The following EPHA6 variants were observed in gnomAD, a reference collection of about 807,000 sequenced individuals.
The protein encoded by EPHA6 is ephrin type-A receptor 6.
Under a neutral mutation model 112.0 loss-of-function variants are expected in EPHA6, and 50 were observed. That is an observed-to-expected ratio of 0.45 (90% CI 0.36 to 0.56). The LOEUF is 0.56. Ranked by LOEUF, EPHA6 falls within the 20% of genes least tolerant of loss-of-function variation. The pLI is 0.00. For synonymous variants in EPHA6, 529 were observed against 490.7 expected (o/e 1.08, Z -1.03); for missense variants, 1,280 against 1,417.4 (o/e 0.90, Z 1.56).
intron 5 of EPHA6, among the ~76,000 whole-genome samples, chr3:97,274,128 G>C (rs1029257009): frequency 6.6e-6 from 1 of 152,186 alleles, no homozygotes; most frequent in Admixed American, 6.5e-5. Flanking sequence ...ACATGGAAGA[G>C]GTTATGAAAT....
chr3:97,658,316 C>T (rs2094148630), intron 14 of EPHA6, among the ~76,000 whole-genome samples: 1 of 151,730 alleles, frequency 6.6e-6, no homozygotes, highest in African/African-American at 2.4e-5. Flanking sequence ...GTATCCATGA[C>T]AATTATTTGT....
intron 13 of EPHA6, among the ~76,000 whole-genome samples, chr3:97,611,691 C>CTA (rs1273876534): frequency 6.6e-5 from 10 of 151,514 alleles, no homozygotes; most frequent in East Asian, 1.9e-4. Context: ...GTCTATCTAT[C>CTA]TATATATATA....
At chr3:97,184,192 A>C (rs1454151136) in intron 3 of EPHA6, among the ~76,000 whole-genome samples, 1 of 152,112 alleles carries the variant, frequency 6.6e-6, no homozygotes, top group Admixed American at 6.6e-5. Flanking sequence ...ATTTTAAAGC[A>C]ATGACAACTA....
intron 14 of EPHA6, among the ~76,000 whole-genome samples, chr3:97,641,428 G>T (rs371510514): frequency 1.9e-4 from 29 of 152,292 alleles, no homozygotes; most frequent in African/African-American, 6.7e-4. Context: ...TGAAAAGGGT[G>T]GGGGAGGAGC....
chr3:97,496,318 G>A (rs2091977158), intron 10 of EPHA6, among the ~76,000 whole-genome samples: 1 of 152,090 alleles, frequency 6.6e-6, no homozygotes, highest in Non-Finnish European at 1.5e-5. Flanking sequence ...TAGTAGGCAA[G>A]AATTATTAAA....
chr3:97,481,621 T>C, intron 9 of EPHA6: 1 of 457,510 alleles, frequency 2.2e-6, no homozygotes. Context: ...TGTTGCGCCC[T>C]CCCTAGGCCC....
In EPHA6 at chr3:96,987,311, C is replaced by G. The variant is rs2043058791; in HGVS notation, c.451-19C>G. On this transcript the variant is annotated intron_variant, in intron 2 of 17. Transcript: ENST00000389672. Reference sequence around the variant, plus strand: ...ACTGTGGTTTAAAATCACTTAATTACTTTTTTCCCTTTTTGCAGTGGGATG... The same window carrying G: ...ACTGTGGTTTAAAATCACTTAATTAGTTTTTTCCCTTTTTGCAGTGGGATG... 6.4e-7 allele frequency: 1 copy of G among 1,565,394 alleles called. No individual in the cohort carries two copies. The highest frequency in any genetic ancestry group is 1.4e-5 in the African/African-American group (1 of 73,294).
rs116575321 is a variant in EPHA6 at position 97,111,767 on chromosome 3, T to C, written c.1115-114497T>C. 4.9e-3 allele frequency among the ~76,000 whole-genome samples: 745 copies of C among 152,232 alleles called. 6 individuals carry two copies. The highest frequency in any genetic ancestry group is 0.016 in the African/African-American group (659 of 41,554). On this transcript the variant is annotated intron_variant, in intron 3 of 17. Coordinates refer to ENST00000389672, the MANE Select transcript of EPHA6 (RefSeq NM_001080448.3). ...CTTTGTGATATTTACATAAATTTATTCCTGAAGGACATTGTTCAATACTCT... is the reference window on the plus strand; with the variant it reads ...CTTTGTGATATTTACATAAATTTATCCCTGAAGGACATTGTTCAATACTCT...
chr3:96,952,959 C>T (rs767021794), intron 2 of EPHA6, among the ~76,000 whole-genome samples: 9 of 151,974 alleles, frequency 5.9e-5, no homozygotes, highest in Non-Finnish European at 1.2e-4. Flanking sequence ...AACAAACCCC[C>T]GTGACACGAG....
chr3:97,364,649 A>G (rs1033554487), intron 5 of EPHA6, among the ~76,000 whole-genome samples: 1 of 152,056 alleles, frequency 6.6e-6, no homozygotes, highest in Admixed American at 6.5e-5. Flanking sequence ...ATTAATTACC[A>G]TAGTAACTGT....
chr3:96,971,108 A>G (rs1019115773), intron 2 of EPHA6, among the ~76,000 whole-genome samples: 1 of 152,084 alleles, frequency 6.6e-6, no homozygotes, highest in African/African-American at 2.4e-5. Context: ...AAGAATCTCA[A>G]CTTCGTAAGC....
chr3:97,432,089 A>G (rs1302152927), intron 6 of EPHA6, among the ~76,000 whole-genome samples: 1 of 152,126 alleles, frequency 6.6e-6, no homozygotes, highest in Non-Finnish European at 1.5e-5. Flanking sequence ...CGTTGATGTT[A>G]TTCCCACATA....
At chr3:96,905,084 A>T (rs2038859634) in intron 2 of EPHA6, among the ~76,000 whole-genome samples, 1 of 152,090 alleles carries the variant, frequency 6.6e-6, no homozygotes, top group African/African-American at 2.4e-5. Context: ...AGTACATGTG[A>T]CATGTGTTTT....
In EPHA6 at chr3:97,751,622, T is replaced by G. The variant is rs895897461; in HGVS notation, c.*2921T>G. Reference sequence around the variant, plus strand: ...ATAAACAGTTAAAATGCCAAATTCATCTGAAAATTTTACATGAAACATTTT... The same window carrying G: ...ATAAACAGTTAAAATGCCAAATTCAGCTGAAAATTTTACATGAAACATTTT... On this transcript the variant is annotated 3_prime_UTR_variant, in exon 18 of 18. Coordinates refer to ENST00000389672, the MANE Select transcript of EPHA6 (RefSeq NM_001080448.3). 1.3e-5 allele frequency among the ~76,000 whole-genome samples: 2 copies of G among 152,110 alleles called. No individual in the cohort carries two copies. The highest frequency in any genetic ancestry group is 4.8e-5 in the African/African-American group (2 of 41,444).
intron 6 of EPHA6, among the ~76,000 whole-genome samples, chr3:97,431,823 A>G (rs1159859485): frequency 6.6e-6 from 1 of 152,158 alleles, no homozygotes; most frequent in South Asian, 2.1e-4. Context: ...TAGCACAGGA[A>G]TGAAGGGTTT....
intron 4 of EPHA6, among the ~76,000 whole-genome samples, chr3:97,237,090 G>A (rs2078700988): frequency 1.3e-5 from 2 of 151,728 alleles, no homozygotes; most frequent in Admixed American, 6.6e-5. Context: ...TGATTGTTTA[G>A]GTGACTCATT....
rs574754820 is a variant in EPHA6 at position 97,017,393 on chromosome 3, A to G, written c.1114+29400A>G. On this transcript the variant is annotated intron_variant, in intron 3 of 17. Transcript: ENST00000389672. ...ACCAGGCTGAACACAGCTGATGCCAACCCTCAGAAGGAGTATTTAAATCAG... is the reference window on the plus strand; with the variant it reads ...ACCAGGCTGAACACAGCTGATGCCAGCCCTCAGAAGGAGTATTTAAATCAG... Among the ~76,000 whole-genome samples, 21 of 152,330 alleles carry G rather than the reference A, an allele frequency of 1.4e-4. No individual in the cohort carries two copies. The East Asian group carries it at 4.1e-3, about 29-fold the overall frequency.
intron 14 of EPHA6, among the ~76,000 whole-genome samples, chr3:97,681,143 G>A (rs956001335): frequency 4.6e-5 from 7 of 152,242 alleles, no homozygotes; most frequent in Non-Finnish European, 8.8e-5. Flanking sequence ...GTTCAAACCT[G>A]CTAGTAATCA....
intron 3 of EPHA6, among the ~76,000 whole-genome samples, chr3:97,115,035 A>G (rs957215998): frequency 6.6e-6 from 1 of 151,966 alleles, no homozygotes; most frequent in Admixed American, 6.6e-5. Context: ...CATGAAAAAG[A>G]CTTGCAATAT....
Sources: gnomAD v4.1 joint callset for allele counts (sites outside exome capture counted in the v4.1 genomes callset) on GRCh38, gnomAD v4.1.1 for gene constraint, MANE v1.5 for transcripts, NCBI Gene and HGNC (gene_info 2026-07-23, HGNC 2026-07-21) for gene names.